CXCR2: variants seen among roughly 807,000 people sequenced by gnomAD.
CXCR2 encodes C-X-C motif chemokine receptor 2, also known as C-X-C chemokine receptor type 2.
CXCR2 carries 2 observed loss-of-function variants against 3.7 expected under a neutral mutation model. That is an observed-to-expected ratio of 0.55 (90% CI 0.22 to 1.72). The LOEUF (loss-of-function observed/expected upper bound fraction) is 1.72. Among genes scored for constraint, CXCR2 ranks in the 40% most tolerant of loss-of-function variants. The probability of loss-of-function intolerance (pLI) is 0.19; values close to 1 mark genes in which losing one functional copy is unlikely to be tolerated. For synonymous variants in CXCR2, 203 were observed against 193.3 expected, an observed-to-expected ratio of 1.05 and a Z score of -0.41; for missense variants, 351 against 450.1, an observed-to-expected ratio of 0.78 and a Z score of 1.99.
chr2:218,131,614 C>T (rs898755341), intron 2 of CXCR2, among the ~76,000 whole-genome samples: 30 of 151,984 alleles, frequency 2.0e-4, no homozygotes, highest in East Asian at 1.9e-3. Flanking sequence ...GGACCACAGG[C>T]GCCCGCCACC....
At position 218,135,204 on chromosome 2, in the gene CXCR2, C is replaced by T; in HGVS notation, c.403C>T (p.Leu135=). 1.2e-6 allele frequency: 2 copies of T among 1,614,242 alleles called. No homozygotes were observed. Among genetic ancestry groups the T allele is most frequent in the African/African-American group, 2.7e-5 (2 of 75,056 alleles). The change falls in exon 3 of 3, where the codon CTG becomes TTG. Residue 135 remains leucine, a synonymous_variant. Coordinates refer to ENST00000318507, the MANE Select transcript of CXCR2 (RefSeq NM_001557.4). The surrounding 1 kb of genome is among the most constrained non-coding windows in gnomAD (Gnocchi z 4.0). ...LKEVNFYSGI[L]LLACISVDRY... ...GGAAGTCAACTTCTATAGTGGCATCCTGCTACTGGCCTGCATCAGTGTGGA... is the reference window on the plus strand; with the variant it reads ...GGAAGTCAACTTCTATAGTGGCATCTTGCTACTGGCCTGCATCAGTGTGGA...
chr2:218,131,673 A>C (rs763560115), intron 2 of CXCR2, among the ~76,000 whole-genome samples: 1 of 151,478 alleles, frequency 6.6e-6, no homozygotes, highest in Non-Finnish European at 1.5e-5. Context: ...GTTTCACTGC[A>C]TTAGCCAGGA....
rs1054064754 is a variant in CXCR2, at chr2:218,135,014, G to C, written c.213G>C (p.Leu71=). The change falls in exon 3 of 3, where the codon CTG becomes CTC. Residue 71 remains leucine (L), a synonymous_variant. Coordinates refer to ENST00000318507, the MANE Select transcript of CXCR2 (RefSeq NM_001557.4). The surrounding 1 kb of genome is among the most constrained non-coding windows in gnomAD (Gnocchi z 4.0). Reference sequence around the variant, plus strand: ...TGCTGGGAAACTCCCTCGTGATGCTGGTCATCTTATACAGCAGGGTCGGCC... The same window carrying C: ...TGCTGGGAAACTCCCTCGTGATGCTCGTCATCTTATACAGCAGGGTCGGCC... The part of the protein sequence containing the change: ...LSLLGNSLVM[L]VILYSRVGRS... 1 of 1,614,176 alleles carries C rather than the reference G, an allele frequency of 6.2e-7. No homozygotes were observed. Among genetic ancestry groups the C allele is most frequent in the African/African-American group, 1.3e-5 (1 of 75,044 alleles).
rs767538305 is a variant in CXCR2 at position 218,135,258 on chromosome 2, C to T, written c.457C>T (p.Arg153Cys). 2.0e-5 allele frequency: 32 copies of T among 1,614,064 alleles called. No homozygotes were observed. The highest frequency in any genetic ancestry group is 1.3e-4 in the South Asian group (12 of 91,092). The change falls in exon 3 of 3, where the codon CGC becomes TGC. Residue 153 changes from arginine to cysteine, a missense_variant. Arg to Cys is a radical substitution (Grantham distance 180). Coordinates refer to ENST00000318507, the MANE Select transcript of CXCR2 (RefSeq NM_001557.4). The surrounding 1 kb of genome is among the most constrained non-coding windows in gnomAD (Gnocchi z 4.0). ...DRYLAIVHATRTLTQKRYLVK... is the reference protein window; with the variant it reads ...DRYLAIVHATCTLTQKRYLVK... ...TTACCTGGCCATTGTCCATGCCACA[C>T]GCACACTGACCCAGAAGCGCTACTT...
chr2:218,133,048 C>A (rs1221817239), intron 2 of CXCR2, among the ~76,000 whole-genome samples: 1 of 152,150 alleles, frequency 6.6e-6, no homozygotes, highest in Non-Finnish European at 1.5e-5. Flanking sequence ...TGTTCTTGGG[C>A]ATCTTTTTCT....
chr2:218,135,293 C>G lies in CXCR2; in HGVS notation c.492C>G (p.Phe164Leu), dbSNP rs1488321036. Reference sequence around the variant, plus strand: ...CCCAGAAGCGCTACTTGGTCAAATTCATATGTCTCAGCATCTGGGGTCTGT... The same window carrying G: ...CCCAGAAGCGCTACTTGGTCAAATTGATATGTCTCAGCATCTGGGGTCTGT... Reference protein sequence around the residue: ...TLTQKRYLVKFICLSIWGLSL... With the variant: ...TLTQKRYLVKLICLSIWGLSL... Residue 164 changes from phenylalanine to leucine, a missense_variant, in exon 3 of 3, where the codon TTC becomes TTG. Physicochemically the swap from Phe to Leu is conservative, Grantham distance 22. Transcript: ENST00000318507. This position sits in a 1 kb window ranked among gnomAD's most constrained non-coding sequence, Gnocchi z 4.0. The G allele has an allele frequency of 1.2e-6, 2 of 1,614,116 alleles. No individual in the cohort carries two copies. The highest frequency in any genetic ancestry group is 8.5e-7 in the Non-Finnish European group (1 of 1,180,048).
chr2:218,126,282 G>A lies in CXCR2; in HGVS notation c.-149G>A, dbSNP rs4674259. On this transcript the variant is annotated 5_prime_UTR_variant, in exon 1 of 3. Coordinates refer to ENST00000318507, the MANE Select transcript of CXCR2 (RefSeq NM_001557.4). ...AAGGTTGTTTCATCTTTTTTTTCCT[G>A]TCTAACAGCTCTGACTACCACCCAA... 90,920 of 152,100 alleles carry A rather than the reference G, an allele frequency of 0.6. 28,440 individuals carry two copies. The highest frequency in any genetic ancestry group is 0.78 in the African/African-American group (32,441 of 41,466). 9.4% of individuals were successfully genotyped at this position (152,100 alleles called of 1,614,324 possible).
chr2:218,127,111 G>A (rs1690529299), intron 1 of CXCR2, among the ~76,000 whole-genome samples: 2 of 152,076 alleles, frequency 1.3e-5, no homozygotes, highest in Non-Finnish European at 1.5e-5. Context: ...CTCCAAGCAG[G>A]ATTAGAAGCC....
At chr2:218,131,771 T>G (rs1489375402) in intron 2 of CXCR2, among the ~76,000 whole-genome samples, 2 of 151,552 alleles carry the variant, frequency 1.3e-5, no homozygotes, top group African/African-American at 4.9e-5. Flanking sequence ...TGTTAACTTT[T>G]ATTGTTGTGA....
Position 218,135,940 on chromosome 2 carries a change from T to TC in CXCR2, c.*56_*57insC, listed in dbSNP as rs1690790878. On this transcript the variant is annotated 3_prime_UTR_variant, in exon 3 of 3. Transcript: ENST00000318507. The surrounding 1 kb of genome is among the most constrained non-coding windows in gnomAD (Gnocchi z 4.0). ...TTCCTCCCTTCTCTTCACAGTCACATTCCAAGCCTCATGTCCACTGGTTCT... is the reference window on the plus strand; with the variant it reads ...TTCCTCCCTTCTCTTCACAGTCACATCTCCAAGCCTCATGTCCACTGGTTCT... 17 of 1,540,078 alleles carry TC rather than the reference T, an allele frequency of 1.1e-5. No homozygotes were observed. The highest frequency in any genetic ancestry group is 1.2e-5 in the Non-Finnish European group (14 of 1,144,290).
In CXCR2 at chr2:218,133,322, CAG is replaced by C. The variant is rs747780078; in HGVS notation, c.-25-1452_-25-1451del. On this transcript the variant is annotated intron_variant, in intron 2 of 2. Transcript: ENST00000318507. The stretch of plus-strand genomic sequence containing the variant: ...TTTTTTTTTTTTTTTTTTTTTGAGG[CAG>C]AGTCTCGCTCTGTTGCCCAGGCTGG... Among the ~76,000 whole-genome samples the C allele has an allele frequency of 9.6e-3, 1,025 of 106,582 alleles. 26 individuals carry two copies. Among genetic ancestry groups the C allele is most frequent in the African/African-American group, 0.036 (978 of 26,802 alleles). 69.9% of individuals were successfully genotyped at this position (106,582 alleles called of 152,430 possible). A position where few individuals can be genotyped will look rare whatever the true frequency, so the allele number is the denominator to read the frequency against.
rs60630461 is a variant in CXCR2, at chr2:218,133,290, ATTTTT to A, written c.-25-1464_-25-1460del. Among the ~76,000 whole-genome samples, 697 of 73,440 alleles carry A rather than the reference ATTTTT, an allele frequency of 9.5e-3. 6 individuals are homozygous for A. The highest frequency in any genetic ancestry group is 0.013 in the Non-Finnish European group (547 of 41,978). 48.2% of individuals were successfully genotyped at this position (73,440 alleles called of 152,430 possible). A position where few individuals can be genotyped will look rare whatever the true frequency, so the allele number is the denominator to read the frequency against. On this transcript the variant is annotated intron_variant, in intron 2 of 2. Coordinates refer to ENST00000318507, the MANE Select transcript of CXCR2 (RefSeq NM_001557.4). Reference sequence around the variant, plus strand: ...TAGTTGACTGCTTTGAGAAACTGGGATTTTTTTTTTTTTTTTTTTTTTTTTTTGAG... The same window carrying A: ...TAGTTGACTGCTTTGAGAAACTGGGATTTTTTTTTTTTTTTTTTTTTTGAG...
In CXCR2 at chr2:218,135,373, A is replaced by G. The variant is rs573773779; in HGVS notation, c.572A>G (p.Asn191Ser). 16 of 1,614,098 alleles carry G rather than the reference A, an allele frequency of 9.9e-6. No individual in the cohort carries two copies. The highest frequency in any genetic ancestry group is 5.5e-5 in the South Asian group (5 of 91,076). ...TTCCGAAGGACCGTCTACTCATCCA[A>G]TGTTAGCCCAGCCTGCTATGAGGAC... ...LLFRRTVYSS[N>S]VSPACYEDMG... is the part of the protein sequence containing the mutation. Residue 191 changes from asparagine (N) to serine (S), a missense_variant, in exon 3 of 3, where the codon AAT (asparagine) becomes AGT (serine). Transcript: ENST00000318507. This position sits in a 1 kb window ranked among gnomAD's most constrained non-coding sequence, Gnocchi z 4.0.
At chr2:218,127,086 C>T (rs1012573234) in intron 1 of CXCR2, among the ~76,000 whole-genome samples, 5 of 152,034 alleles carry the variant, frequency 3.3e-5, no homozygotes, top group Non-Finnish European at 5.9e-5. Context: ...CAACAAGGCC[C>T]AGAAAGAATG....
At position 218,135,685 on chromosome 2, in the gene CXCR2, C is replaced by T. The variant is rs200127100; in HGVS notation, c.884C>T (p.Ala295Val). Residue 295 changes from alanine (A) to valine (V), a missense_variant, in exon 3 of 3, where the codon GCT becomes GTT. Transcript: ENST00000318507. This position sits in a 1 kb window ranked among gnomAD's most constrained non-coding sequence, Gnocchi z 4.0. The part of the protein sequence containing the change: ...TCERRNHIDR[A>V]LDATEILGIL... ...GAGCGCCGCAATCACATCGACCGGG[C>T]TCTGGATGCCACCGAGATTCTGGGC... 1.2e-6 allele frequency: 2 copies of T among 1,613,476 alleles called. No homozygotes were observed. Among genetic ancestry groups the T allele is most frequent in the Non-Finnish European group, 1.7e-6 (2 of 1,179,814 alleles).
Position 218,135,505 on chromosome 2 carries a change from T to C in CXCR2, c.704T>C (p.Leu235Pro), listed in dbSNP as rs780078287. ...LIMLFCYGFTLRTLFKAHMGQ... is the reference protein window; with the variant it reads ...LIMLFCYGFTPRTLFKAHMGQ... ...ATGCTGTTCTGCTACGGATTCACCC[T>C]GCGTACGCTGTTTAAGGCCCACATG... The change falls in exon 3 of 3, where the codon CTG becomes CCG. Residue 235 changes from leucine (L) to proline (P), a missense_variant. Physicochemically the swap from Leu to Pro is moderately conservative, Grantham distance 98. Coordinates refer to ENST00000318507, the MANE Select transcript of CXCR2 (RefSeq NM_001557.4). This position sits in a 1 kb window ranked among gnomAD's most constrained non-coding sequence, Gnocchi z 4.0. 2.5e-6 allele frequency: 4 copies of C among 1,614,204 alleles called. No homozygotes were observed. Among genetic ancestry groups the C allele is most frequent in the Non-Finnish European group, 2.5e-6 (3 of 1,180,028 alleles).
intron 2 of CXCR2, among the ~76,000 whole-genome samples, chr2:218,131,849 T>C (rs1370710604): frequency 6.6e-6 from 1 of 151,680 alleles, no homozygotes; most frequent in Non-Finnish European, 1.5e-5. Context: ...GGGAAGGCAA[T>C]GTATCTGGCC....
Position 218,135,941 on chromosome 2 carries a change from T to G in CXCR2, c.*57T>G. ...TCCTCCCTTCTCTTCACAGTCACAT[T>G]CCAAGCCTCATGTCCACTGGTTCTT... On this transcript the variant is annotated 3_prime_UTR_variant, in exon 3 of 3. Transcript: ENST00000318507. The surrounding 1 kb of genome is among the most constrained non-coding windows in gnomAD (Gnocchi z 4.0). 6.5e-7 allele frequency: 1 copy of G among 1,540,016 alleles called. No individual in the cohort carries two copies. The highest frequency in any genetic ancestry group is 8.7e-7 in the Non-Finnish European group (1 of 1,143,998).
Position 218,136,027 on chromosome 2 carries a change from C to T in CXCR2, c.*143C>T, listed in dbSNP as rs1470470326. The T allele has an allele frequency of 3.7e-6, 4 of 1,087,968 alleles. No individual in the cohort carries two copies. In the African/African-American group the frequency reaches 4.7e-5, roughly 13 times the overall value. The allele number at this position is 1,087,968 out of a possible 1,614,324, so 67.4% of individuals were successfully genotyped here. The stretch of plus-strand genomic sequence containing the variant: ...CACAGGAAGTAGAGGAGGCCACGTT[C>T]TTACTAGTTTCCCTTGCATGGTTTA... On this transcript the variant is annotated 3_prime_UTR_variant, in exon 3 of 3. Coordinates refer to ENST00000318507, the MANE Select transcript of CXCR2 (RefSeq NM_001557.4).
Sources: allele counts gnomAD v4.1 joint callset (sites outside exome capture counted in the v4.1 genomes callset), GRCh38; gene constraint gnomAD v4.1.1; non-coding constraint Gnocchi (gnomAD v3.1); transcripts MANE v1.5; gene names NCBI Gene and HGNC (gene_info 2026-07-23, HGNC 2026-07-21).